NUDCD1: variants seen among roughly 807,000 people sequenced by gnomAD.
NUDCD1 encodes NudC domain containing 1.
In NUDCD1, 60 loss-of-function variants were observed where a neutral mutation model predicts 67.8. The observed-to-expected ratio is 0.88, with a 90% CI of 0.72 to 1.10. The LOEUF is 1.10. NUDCD1 is among the 50% of genes least tolerant of loss of function. The probability of loss-of-function intolerance (pLI) is 0.00; values close to 1 mark genes in which losing one functional copy is unlikely to be tolerated. For missense variants in NUDCD1, 643 were observed against 695.0 expected, an observed-to-expected ratio of 0.93 and a Z score of 0.84; for synonymous variants, 244 against 230.8, an observed-to-expected ratio of 1.06 and a Z score of -0.52.
At chr8:109,292,033 C>T (rs1420152086) in intron 4 of NUDCD1, among the ~76,000 whole-genome samples, 1 of 151,838 alleles carries the variant, frequency 6.6e-6, no homozygotes, top group Non-Finnish European at 1.5e-5. Context: ...TTTTGTATGG[C>T]CTGTGAGCTA....
At chr8:109,280,231 T>C (rs921990156) in intron 6 of NUDCD1, among the ~76,000 whole-genome samples, 1 of 152,222 alleles carries the variant, frequency 6.6e-6, no homozygotes, top group African/African-American at 2.4e-5. Context: ...TTTTTATATA[T>C]TCATTATGGA....
At chr8:109,331,746 TG>T (rs1179624484) in intron 1 of NUDCD1, among the ~76,000 whole-genome samples, 2 of 152,310 alleles carry the variant, frequency 1.3e-5, no homozygotes, top group East Asian at 3.9e-4. Context: ...GATGAGTAAA[TG>T]ATAGTTTTTA....
intron 1 of NUDCD1, chr8:109,329,702 A>T: frequency 1.9e-6 from 2 of 1,049,896 alleles, no homozygotes; most frequent in South Asian, 1.6e-5. Context: ...GTGTATACAT[A>T]TATCACAACT....
rs566696712 is a variant in NUDCD1, at chr8:109,275,631, T to A, written c.1029-135A>T. 44 of 737,496 alleles carry A rather than the reference T, an allele frequency of 6.0e-5. No individual in the cohort carries two copies. In the East Asian group the frequency reaches 1.3e-3, roughly 21 times the overall value. The allele number at this position is 737,496 out of a possible 1,614,324, so 45.7% of individuals were successfully genotyped here. On this transcript the variant is annotated intron_variant, in intron 6 of 9. Transcript: ENST00000239690. ...TCCAGAGGATGGTTTACCAAAAATC[T>A]TGCTCATTTAAGTTTTGCATGTGAT...
At position 109,322,433 on chromosome 8, in the gene NUDCD1, T is replaced by C. The variant is rs1478992695; in HGVS notation, c.149A>G (p.Gln50Arg). 1.9e-6 allele frequency: 3 copies of C among 1,597,064 alleles called. No individual in the cohort carries two copies. The highest frequency in any genetic ancestry group is 2.3e-5 in the South Asian group (2 of 88,616). The change falls in exon 2 of 10, where the codon CAA becomes CGA. Residue 50 changes from glutamine (Q) to arginine (R), a missense_variant. Physicochemically the swap from Gln to Arg is conservative, Grantham distance 43. Transcript: ENST00000239690. Reference sequence around the variant, plus strand: ...AGCATGCATGTGTTCCAGTGTATATTGATCATCTCGAAGTTTTACCTCTGC... The same window carrying C: ...AGCATGCATGTGTTCCAGTGTATATCGATCATCTCGAAGTTTTACCTCTGC... ...AVAEVKLRDD[Q>R]YTLEHMHAFG...
intron 8 of NUDCD1, among the ~76,000 whole-genome samples, chr8:109,259,468 A>G (rs78058937): frequency 0.052 from 7,864 of 152,338 alleles, 306 homozygotes; most frequent in Non-Finnish European, 0.082. Flanking sequence ...ATGGATAAGA[A>G]GATGGAATGC....
At chr8:109,308,579 T>C (rs1192569085) in intron 2 of NUDCD1, among the ~76,000 whole-genome samples, 2 of 152,056 alleles carry the variant, frequency 1.3e-5, no homozygotes, top group African/African-American at 4.8e-5. Context: ...CATAGACCAT[T>C]AGCAAGATTA....
At position 109,242,806 on chromosome 8, in the gene NUDCD1, A is replaced by C; in HGVS notation, c.*203T>G. 1 of 347,246 alleles carries C rather than the reference A, an allele frequency of 2.9e-6. No individual in the cohort carries two copies. Among genetic ancestry groups the C allele is most frequent in the East Asian group, 4.4e-5 (1 of 22,596 alleles). The allele number at this position is 347,246 out of a possible 1,614,324, so 21.5% of individuals were successfully genotyped here. On this transcript the variant is annotated 3_prime_UTR_variant, in exon 10 of 10. Coordinates refer to ENST00000239690, the MANE Select transcript of NUDCD1 (RefSeq NM_032869.4). The stretch of plus-strand genomic sequence containing the variant: ...TCACTCTTTTTTTTTTTCAGAAGCC[A>C]ATGTTCTCTAAATCTGCAGCTTCAT...
At position 109,322,416 on chromosome 8, in the gene NUDCD1, T is replaced by C. The variant is rs1815563519; in HGVS notation, c.166A>G (p.Met56Val). Reference sequence around the variant, plus strand: ...TAATTATACATTCCAAAAGCATGCATGTGTTCCAGTGTATATTGATCATCT... The same window carrying C: ...TAATTATACATTCCAAAAGCATGCACGTGTTCCAGTGTATATTGATCATCT... The part of the protein sequence containing the change: ...LRDDQYTLEH[M>V]HAFGMYNYLH... Residue 56 changes from methionine to valine, a missense_variant, in exon 2 of 10, where the codon ATG becomes GTG. Transcript: ENST00000239690. The C allele has an allele frequency of 3.7e-6, 6 of 1,606,802 alleles. No homozygotes were observed. Among genetic ancestry groups the C allele is most frequent in the Non-Finnish European group, 5.1e-6 (6 of 1,174,256 alleles).
chr8:109,292,535 T>C (rs998676943), intron 4 of NUDCD1, among the ~76,000 whole-genome samples: 3 of 152,108 alleles, frequency 2.0e-5, no homozygotes, highest in Non-Finnish European at 4.4e-5. Context: ...GAAATATTTT[T>C]CTACAGAGAT....
intron 5 of NUDCD1, among the ~76,000 whole-genome samples, chr8:109,282,686 G>A (rs2980610): frequency 0.34 from 48,252 of 141,964 alleles, 8,942 homozygotes; most frequent in South Asian, 0.46. Flanking sequence ...TTGTCGGGGG[G>A]TGGGGGGCTA....
intron 2 of NUDCD1, among the ~76,000 whole-genome samples, chr8:109,321,504 T>G (rs916989623): frequency 6.6e-6 from 1 of 151,154 alleles, no homozygotes; most frequent in African/African-American, 2.5e-5. Context: ...TAAATCGAGT[T>G]CTAAGGACAT....
At chr8:109,318,185 T>C (rs979163477) in intron 2 of NUDCD1, among the ~76,000 whole-genome samples, 2 of 152,174 alleles carry the variant, frequency 1.3e-5, no homozygotes, top group East Asian at 3.9e-4. Context: ...ACAACACGTA[T>C]TAGAGCTACA....
chr8:109,301,248 C>A (rs1814981432), intron 2 of NUDCD1, among the ~76,000 whole-genome samples: 1 of 152,188 alleles, frequency 6.6e-6, no homozygotes, highest in African/African-American at 2.4e-5. Context: ...AGGATATATT[C>A]TCCCCGATCC....
chr8:109,324,234 C>T (rs902242502), intron 1 of NUDCD1, among the ~76,000 whole-genome samples: 19 of 150,308 alleles, frequency 1.3e-4, no homozygotes, highest in Admixed American at 6.6e-4. Context: ...ATAAAGAGGG[C>T]AAAGATCTTA....
At chr8:109,263,445 G>T (rs559896351) in intron 8 of NUDCD1, among the ~76,000 whole-genome samples, 10 of 152,144 alleles carry the variant, frequency 6.6e-5, no homozygotes, top group Admixed American at 2.6e-4. Flanking sequence ...TTAGACTTGA[G>T]AAATTGGCAC....
intron 8 of NUDCD1, among the ~76,000 whole-genome samples, chr8:109,259,720 G>C (rs1813823099): frequency 6.6e-6 from 1 of 152,126 alleles, no homozygotes; most frequent in South Asian, 2.1e-4. Flanking sequence ...CACTGATTTG[G>C]TGGTAGTACT....
chr8:109,293,542 A>G lies in NUDCD1; in HGVS notation c.460-18T>C, dbSNP rs1489289531. 7.1e-7 allele frequency: 1 copy of G among 1,413,422 alleles called. No homozygotes were observed. The highest frequency in any genetic ancestry group is 9.6e-7 in the Non-Finnish European group (1 of 1,045,498). 87.6% of individuals were successfully genotyped at this position (1,413,422 alleles called of 1,614,324 possible). ...AACATAATCTACAAAACAAAATTACACACACAAAAAAGTGTACATAATTAC... is the reference window on the plus strand; with the variant it reads ...AACATAATCTACAAAACAAAATTACGCACACAAAAAAGTGTACATAATTAC... On this transcript the variant is annotated intron_variant, in intron 3 of 9. Transcript: ENST00000239690.
In NUDCD1 at chr8:109,242,962, AC is replaced by A. The variant is rs1347479464; in HGVS notation, c.*46del. The A allele has an allele frequency of 7.9e-7, 1 of 1,259,140 alleles. No homozygotes were observed. Among genetic ancestry groups the A allele is most frequent in the Non-Finnish European group, 1.1e-6 (1 of 879,070 alleles). The allele number at this position is 1,259,140 out of a possible 1,614,324, so 78.0% of individuals were successfully genotyped here. ...AGTATAACTGTCCAGACCTCCAGGTACCACTGAATACTTTTCCAGTACAAAG... is the reference window on the plus strand; with the variant it reads ...AGTATAACTGTCCAGACCTCCAGGTACACTGAATACTTTTCCAGTACAAAG... On this transcript the variant is annotated 3_prime_UTR_variant, in exon 10 of 10. Coordinates refer to ENST00000239690, the MANE Select transcript of NUDCD1 (RefSeq NM_032869.4).
Sources: allele counts gnomAD v4.1 joint callset (sites outside exome capture counted in the v4.1 genomes callset), GRCh38; gene constraint gnomAD v4.1.1; transcripts MANE v1.5; gene names NCBI Gene and HGNC (gene_info 2026-07-23, HGNC 2026-07-21).